KMT2A: variants seen among roughly 807,000 people sequenced by gnomAD.
KMT2A encodes the protein histone-lysine N-methyltransferase 2A.
A neutral mutation model predicts 345.3 loss-of-function variants in KMT2A; 16 were observed. The observed-to-expected ratio is 0.05, with a 90% CI of 0.03 to 0.07. The LOEUF (loss-of-function observed/expected upper bound fraction) is 0.07, where lower values mean the gene tolerates loss of function less well. KMT2A is among the 10% of genes least tolerant of loss of function. The pLI is 1.00. For synonymous variants in KMT2A, 1,599 were observed against 1,778.6 expected, an observed-to-expected ratio of 0.90 and a Z score of 2.54; for missense variants, 3,272 against 4,841.6, an observed-to-expected ratio of 0.68 and a Z score of 9.62.
intron 11 of KMT2A, 102 bp from the exon 12 acceptor site, chr11:118,489,690 G>A: frequency 1.2e-6 from 1 of 858,464 alleles, no homozygotes; most frequent in Non-Finnish European, 1.9e-6. Flanking sequence ...ATAATTGTGT[G>A]CTGTACTTAC....
chr11:118,474,742 C>T (rs1272992610), intron 3 of KMT2A, among the ~76,000 whole-genome samples: 1 of 152,042 alleles, frequency 6.6e-6, no homozygotes, highest in Non-Finnish European at 1.5e-5. Context: ...TTACTATCCC[C>T]GATAGAATAG....
Position 118,473,661 on chromosome 11 carries a change from T to A in KMT2A, c.2502T>A (p.Pro834=), listed in dbSNP as rs2134269553. The A allele has an allele frequency of 6.2e-7, 1 of 1,614,090 alleles. No individual in the cohort carries two copies. Among genetic ancestry groups the A allele is most frequent in the Non-Finnish European group, 8.5e-7 (1 of 1,180,008 alleles). ...CATTTTCATCAAGTAGTCCTACTCC[T>A]CTCTTCCCTTGGTTTACCCCAGGCT... is the stretch of plus-strand genomic sequence containing the variant. The part of the protein sequence containing the change: ...AEPFSSSSPT[P]LFPWFTPGSQ... The change falls in exon 3 of 36, where the codon CCT becomes CCA. Residue 834 remains proline (P), a synonymous_variant. Transcript: ENST00000534358. This position sits in a 1 kb window ranked among gnomAD's most constrained non-coding sequence, Gnocchi z 5.2.
At chr11:118,461,173 C>T (rs895056089) in intron 1 of KMT2A, among the ~76,000 whole-genome samples, 3 of 152,058 alleles carry the variant, frequency 2.0e-5, no homozygotes, top group Non-Finnish European at 2.9e-5. Context: ...CCTATTGCTT[C>T]GTCACTCACA....
chr11:118,506,794 G>T, intron 27 of KMT2A, 148 bp downstream of exon 27: 1 of 776,284 alleles, frequency 1.3e-6, no homozygotes, highest in Non-Finnish European at 2.0e-6. Flanking sequence ...TTTTCTCTCT[G>T]AGTGGTGATT....
rs1455118554 is a variant in KMT2A, at chr11:118,524,604, T to C, written c.*2432T>C. On this transcript the variant is annotated 3_prime_UTR_variant, in exon 36 of 36. Transcript: ENST00000534358. ...TCACCTCCCTTCCTCCTTTTGCCCA[T>C]GAACAAGATGCAGTGGCCCTAGGGG... is the stretch of plus-strand genomic sequence containing the variant. 1 of 180,844 alleles carries C rather than the reference T, an allele frequency of 5.5e-6. No individual in the cohort carries two copies. The allele number at this position is 180,844 out of a possible 1,614,324, so 11.2% of individuals were successfully genotyped here. A position where few individuals can be genotyped will look rare whatever the true frequency, so the allele number is the denominator to read the frequency against.
chr11:118,440,168 C>G (rs1555139757), intron 1 of KMT2A, among the ~76,000 whole-genome samples: 1 of 152,164 alleles, frequency 6.6e-6, no homozygotes, highest in East Asian at 1.9e-4. Context: ...TGTAACAACA[C>G]CTATGTTAAT....
At position 118,468,815 on chromosome 11, in the gene KMT2A, G is replaced by A; in HGVS notation, c.473G>A (p.Arg158Lys). 6.2e-7 allele frequency: 1 copy of A among 1,613,284 alleles called. No individual in the cohort carries two copies. Residue 158 changes from arginine to lysine, a missense_variant, in exon 2 of 36, where the codon AGA becomes AAA. Physicochemically the swap from Arg to Lys is conservative, Grantham distance 26. Transcript: ENST00000534358. The part of the protein sequence containing the change: ...FLGFGSDEEV[R>K]VRSPTRSPSV... ...GGTTTTGGCTCAGATGAAGAAGTCAGAGTGCGAAGTCCCACAAGGTCTCCT... is the reference window on the plus strand; with the variant it reads ...GGTTTTGGCTCAGATGAAGAAGTCAAAGTGCGAAGTCCCACAAGGTCTCCT...
chr11:118,492,260 G>A (rs1555042722), intron 15 of KMT2A, among the ~76,000 whole-genome samples: 1 of 152,214 alleles, frequency 6.6e-6, no homozygotes, highest in African/African-American at 2.4e-5. Flanking sequence ...TGGAGAGGAA[G>A]GACTGGAGAC....
intron 25 of KMT2A, among the ~76,000 whole-genome samples, 178 bp downstream of exon 25, chr11:118,501,325 T>G (rs1247660737): frequency 6.6e-6 from 1 of 151,954 alleles, no homozygotes; most frequent in Non-Finnish European, 1.5e-5. Context: ...CCAGGCATGG[T>G]GGCAGGCACC....
At chr11:118,512,078 G>C in intron 31 of KMT2A, 53 bp downstream of exon 31, 2 of 1,516,760 alleles carry the variant, frequency 1.3e-6, no homozygotes, top group Admixed American at 3.5e-5. Context: ...ATGGTAAATT[G>C]TTCGCCTAAG....
intron 31 of KMT2A, among the ~76,000 whole-genome samples, chr11:118,517,489 G>A (rs1419863025): frequency 6.6e-6 from 1 of 151,874 alleles, no homozygotes; most frequent in Non-Finnish European, 1.5e-5. Context: ...GTTACATAGT[G>A]TTACATACCT....
intron 28 of KMT2A, chr11:118,507,815 T>G: frequency 2.2e-6 from 1 of 453,984 alleles, no homozygotes; most frequent in Non-Finnish European, 4.1e-6. Flanking sequence ...CAAAAAGAAT[T>G]AGCCGGGCGT....
rs782173501 is a variant in KMT2A at position 118,471,954 on chromosome 11, G to A, written c.795G>A (p.Gln265=). 1.9e-6 allele frequency: 3 copies of A among 1,613,908 alleles called. No individual in the cohort carries two copies. Among genetic ancestry groups the A allele is most frequent in the Non-Finnish European group, 2.5e-6 (3 of 1,180,032 alleles). The change falls in exon 3 of 36, where the codon CAG becomes CAA. Residue 265 remains glutamine, a synonymous_variant. Coordinates refer to ENST00000534358, the MANE Select transcript of KMT2A (RefSeq NM_001197104.2). ...KIKRTPSATF[Q]QATKIKKLRA... ...AAAGGACACCTTCTGCTACGTTTCA[G>A]CAAGCCACAAAGATTAAAAAATTAA...
intron 25 of KMT2A, among the ~76,000 whole-genome samples, chr11:118,501,363 G>C (rs1021721740): frequency 6.6e-6 from 1 of 152,104 alleles, no homozygotes; most frequent in Non-Finnish European, 1.5e-5. Context: ...CAGCCACTCA[G>C]GAGGCAGAGG....
Position 118,478,008 on chromosome 11 carries a change from G to A in KMT2A, c.3376G>A (p.Ala1126Thr), listed in dbSNP as rs141959511. Reference sequence around the variant, plus strand: ...TGGCTCAGAAGATGCTGAACCTCTTGCTCCACCCATCAAACCAATTAAACC... The same window carrying A: ...TGGCTCAGAAGATGCTGAACCTCTTACTCCACCCATCAAACCAATTAAACC... The part of the protein sequence containing the change: ...IAGSEDAEPL[A>T]PPIKPIKPVT... The change falls in exon 5 of 36, where the codon GCT becomes ACT. Residue 1126 changes from alanine to threonine, a missense_variant. By Grantham distance (58) the Ala-to-Thr change is moderately conservative. Coordinates refer to ENST00000534358, the MANE Select transcript of KMT2A (RefSeq NM_001197104.2). 6.2e-7 allele frequency: 1 copy of A among 1,614,030 alleles called. No individual in the cohort carries two copies. Among genetic ancestry groups the A allele is most frequent in the Non-Finnish European group, 8.5e-7 (1 of 1,180,016 alleles).
intron 11 of KMT2A, among the ~76,000 whole-genome samples, 156 bp downstream of exon 11, chr11:118,488,916 A>G (rs1555041701): frequency 6.6e-5 from 10 of 152,176 alleles, no homozygotes; most frequent in Non-Finnish European, 1.5e-4. Context: ...ATTATTTCCT[A>G]AACAATACAG....
chr11:118,444,139 C>G (rs1949369336), intron 1 of KMT2A, among the ~76,000 whole-genome samples: 1 of 152,102 alleles, frequency 6.6e-6, no homozygotes, highest in Non-Finnish European at 1.5e-5. Context: ...TTAGGCTGTC[C>G]TTTATACTAT....
At chr11:118,519,935 T>C (rs1555052965) in intron 32 of KMT2A, 22 bp from the exon 33 acceptor site, 1 of 1,595,820 alleles carries the variant, frequency 6.3e-7, no homozygotes, top group Non-Finnish European at 8.6e-7. Context: ...TCTCTAAATA[T>C]GTTTTAATCT....
At chr11:118,462,156 G>A (rs2134231706) in intron 1 of KMT2A, among the ~76,000 whole-genome samples, 1 of 152,138 alleles carries the variant, frequency 6.6e-6, no homozygotes, top group East Asian at 1.9e-4. Flanking sequence ...GTTTCACCAT[G>A]CTGGCCAGGC....
Sources: gnomAD v4.1 joint callset for allele counts (sites outside exome capture counted in the v4.1 genomes callset) on GRCh38, gnomAD v4.1.1 for gene constraint, Gnocchi (gnomAD v3.1) non-coding constraint, MANE v1.5 for transcripts, NCBI Gene and HGNC (gene_info 2026-07-23, HGNC 2026-07-21) for gene names.